The following ADGRB3 variants were observed in gnomAD, a reference collection of about 807,000 sequenced individuals.
ADGRB3 encodes the protein brain-specific angiogenesis inhibitor 3.
ADGRB3 carries 37 observed loss-of-function variants against 193.4 expected under a neutral mutation model. The observed-to-expected ratio is 0.19, with a 90% confidence interval of 0.15 to 0.25. The LOEUF is 0.25. Among genes scored for constraint, ADGRB3 ranks in the 10% least tolerant of loss-of-function variants. The probability of loss-of-function intolerance (pLI) is 1.00; values close to 1 mark genes in which losing one functional copy is unlikely to be tolerated. For synonymous variants in ADGRB3, 690 were observed against 644.2 expected (o/e 1.07, Z -1.08); for missense variants, 1,637 against 1,852.9 (o/e 0.88, Z 2.14).
chr6:68,877,150 T>A (rs1327460289), intron 3 of ADGRB3, among the ~76,000 whole-genome samples: 1 of 152,072 alleles, frequency 6.6e-6, no homozygotes, highest in Non-Finnish European at 1.5e-5. Flanking sequence ...GCCTTTATAG[T>A]TCCCTTCAGA....
intron 17 of ADGRB3, chr6:69,232,362 G>C: frequency 7.2e-7 from 1 of 1,383,570 alleles, no homozygotes; most frequent in Non-Finnish European, 9.4e-7. Flanking sequence ...ACAAGACGTA[G>C]GTTGATACCA....
chr6:69,022,201 T>C (rs1049977379), intron 13 of ADGRB3, among the ~76,000 whole-genome samples: 1 of 151,798 alleles, frequency 6.6e-6, no homozygotes, highest in Non-Finnish European at 1.5e-5. Context: ...AGATTTCAAT[T>C]TTCAATATGC....
intron 3 of ADGRB3, among the ~76,000 whole-genome samples, chr6:68,919,999 G>T (rs539529958): frequency 7.2e-5 from 11 of 152,106 alleles, no homozygotes; most frequent in Admixed American, 2.0e-4. Flanking sequence ...AATGTGAGGG[G>T]GTTGAGATGG....
At chr6:68,903,406 T>A (rs1582300828) in intron 3 of ADGRB3, among the ~76,000 whole-genome samples, 1 of 152,180 alleles carries the variant, frequency 6.6e-6, no homozygotes, top group Admixed American at 6.6e-5. Context: ...GTGATAATAT[T>A]TCAAAATATT....
At chr6:69,253,783 T>G (rs940123567) in intron 20 of ADGRB3, among the ~76,000 whole-genome samples, 3 of 152,144 alleles carry the variant, frequency 2.0e-5, no homozygotes, top group Non-Finnish European at 4.4e-5. Context: ...CTATATATTT[T>G]CAATATATCA....
intron 20 of ADGRB3, among the ~76,000 whole-genome samples, chr6:69,247,647 A>T (rs1766526549): frequency 6.6e-6 from 1 of 152,202 alleles, no homozygotes; most frequent in South Asian, 2.1e-4. Flanking sequence ...CTTATTCTAT[A>T]AGTTATCAAT....
chr6:68,943,215 T>C (rs1306391342), intron 5 of ADGRB3, among the ~76,000 whole-genome samples: 4 of 152,176 alleles, frequency 2.6e-5, no homozygotes, highest in African/African-American at 9.6e-5. Flanking sequence ...AAGAGGAATA[T>C]TTTATTTGAG....
At chr6:68,976,248 C>G (rs897370643) in intron 10 of ADGRB3, among the ~76,000 whole-genome samples, 11 of 152,080 alleles carry the variant, frequency 7.2e-5, no homozygotes, top group Non-Finnish European at 1.5e-5. Flanking sequence ...AATAACAACC[C>G]CTATCAACTA....
At chr6:69,266,227 G>A (rs1767036928) in intron 20 of ADGRB3, among the ~76,000 whole-genome samples, 1 of 151,980 alleles carries the variant, frequency 6.6e-6, no homozygotes, top group Admixed American at 6.6e-5. Context: ...ATTTGTATAT[G>A]TATCGTCAAA....
intron 17 of ADGRB3, among the ~76,000 whole-genome samples, chr6:69,215,559 G>C (rs1765758098): frequency 6.6e-6 from 1 of 151,860 alleles, no homozygotes. Flanking sequence ...CAAAAGTGAA[G>C]TGTTTTCAGG....
chr6:68,812,924 A>G (rs1175850158), intron 3 of ADGRB3, among the ~76,000 whole-genome samples: 2 of 149,546 alleles, frequency 1.3e-5, no homozygotes, highest in Non-Finnish European at 3.0e-5. Context: ...AACATGTGGT[A>G]TTTGGTTTTC....
intron 26 of ADGRB3, among the ~76,000 whole-genome samples, chr6:69,343,943 C>T (rs144636843): frequency 2.2e-4 from 33 of 152,212 alleles, no homozygotes; most frequent in African/African-American, 6.3e-4. Flanking sequence ...TACTATTCCC[C>T]GCATTGCTAT....
rs182442558 is a variant in ADGRB3, at chr6:68,980,308, T to G, written c.1734+4968T>G. ...AAGGACTTTATTTCTCCTACTTTCC[T>G]CTACTCTTATGGGTAGTTTATTAGA... On this transcript the variant is annotated intron_variant, in intron 10 of 31. Coordinates refer to ENST00000370598, the MANE Select transcript of ADGRB3 (RefSeq NM_001704.3). Among the ~76,000 whole-genome samples the G allele has an allele frequency of 1.8e-4, 27 of 151,658 alleles. 1 individual carries two copies. The highest frequency in any genetic ancestry group is 1.5e-3 in the Admixed American group (23 of 15,178).
intron 20 of ADGRB3, among the ~76,000 whole-genome samples, chr6:69,289,527 T>A (rs1409841136): frequency 6.6e-6 from 1 of 152,156 alleles, no homozygotes; most frequent in East Asian, 1.9e-4. Flanking sequence ...TCCTTTGCAA[T>A]CACACCTATT....
At chr6:68,853,826 T>C (rs2127391945) in intron 3 of ADGRB3, among the ~76,000 whole-genome samples, 1 of 152,296 alleles carries the variant, frequency 6.6e-6, no homozygotes, top group South Asian at 2.1e-4. Flanking sequence ...ATTAGAAAGT[T>C]CACTTAAACA....
intron 17 of ADGRB3, among the ~76,000 whole-genome samples, chr6:69,104,970 T>C (rs752798013): frequency 6.6e-5 from 10 of 152,308 alleles, no homozygotes; most frequent in South Asian, 4.1e-4. Context: ...TTTGATAATA[T>C]TTGAAAAGTG....
intron 17 of ADGRB3, 60 bp downstream of exon 17, chr6:69,076,098 A>T: frequency 7.0e-7 from 1 of 1,423,942 alleles, no homozygotes; most frequent in Non-Finnish European, 9.9e-7. Flanking sequence ...ACATTAAGTT[A>T]GTTCAGCTGC....
intron 5 of ADGRB3, among the ~76,000 whole-genome samples, chr6:68,941,688 G>T (rs923752955): frequency 6.6e-6 from 1 of 151,852 alleles, no homozygotes; most frequent in Admixed American, 6.6e-5. Flanking sequence ...AGGAGAAAAG[G>T]TTTTTAAAAT....
chr6:69,051,716 T>C (rs1296685675), intron 15 of ADGRB3, among the ~76,000 whole-genome samples: 1 of 152,132 alleles, frequency 6.6e-6, no homozygotes, highest in African/African-American at 2.4e-5. Flanking sequence ...ATAGGTCTGC[T>C]AAATGAAAAT....
Sources: gnomAD v4.1 joint callset for allele counts (sites outside exome capture counted in the v4.1 genomes callset) on GRCh38, gnomAD v4.1.1 for gene constraint, MANE v1.5 for transcripts, NCBI Gene and HGNC (gene_info 2026-07-23, HGNC 2026-07-21) for gene names.